Variants in JCHAIN observed in about 807,000 individuals in gnomAD.
The protein encoded by JCHAIN is immunoglobulin J chain.
In JCHAIN, 5 loss-of-function variants were observed where a neutral mutation model predicts 11.1. The ratio of observed to expected loss-of-function variants is 0.45; its 90% CI spans 0.24 to 0.95. The LOEUF (loss-of-function observed/expected upper bound fraction) is 0.95. Among genes scored for constraint, JCHAIN ranks in the 40% least tolerant of loss-of-function variants. The probability of loss-of-function intolerance (pLI) is 0.21; values close to 1 mark genes in which losing one functional copy is unlikely to be tolerated. For synonymous variants in JCHAIN, 51 were observed against 67.8 expected, an observed-to-expected ratio of 0.75 and a Z score of 1.22; for missense variants, 165 against 192.7, an observed-to-expected ratio of 0.86 and a Z score of 0.85.
intron 1 of JCHAIN, among the ~76,000 whole-genome samples, chr4:70,664,341 A>G (rs897593136): frequency 3.3e-5 from 5 of 152,188 alleles, no homozygotes; most frequent in African/African-American, 9.7e-5. Flanking sequence ...ACTAAAAAAA[A>G]AACATTTAGT....
intron 2 of JCHAIN, among the ~76,000 whole-genome samples, chr4:70,660,788 A>C (rs1167920965): frequency 6.6e-6 from 1 of 152,222 alleles, no homozygotes; most frequent in African/African-American, 2.4e-5. Flanking sequence ...TTTGTAATAT[A>C]TCCTAAGGTC....
intron 1 of JCHAIN, 76 bp from the exon 2 acceptor site, chr4:70,662,291 T>A: frequency 1.5e-6 from 2 of 1,331,456 alleles, no homozygotes; most frequent in Non-Finnish European, 2.1e-6. Flanking sequence ...TATTTTATCT[T>A]TCTTGCCTGC....
At chr4:70,657,400 A>C (rs906684446) in intron 2 of JCHAIN, 109 bp from the exon 3 acceptor site, 9 of 613,558 alleles carry the variant, frequency 1.5e-5, no homozygotes, top group Non-Finnish European at 2.6e-5. Context: ...TATTGTATTT[A>C]GTACTCTATA....
chr4:70,661,993 AG>A (rs981887894), intron 2 of JCHAIN, 98 bp downstream of exon 2: 10 of 1,143,404 alleles, frequency 8.7e-6, no homozygotes, highest in Non-Finnish European at 9.0e-6. Context: ...CACAGCAAAA[AG>A]GGGAGTAAAG....
chr4:70,666,116 G>A (rs1739147844), intron 1 of JCHAIN, among the ~76,000 whole-genome samples: 1 of 152,114 alleles, frequency 6.6e-6, no homozygotes, highest in African/African-American at 2.4e-5. Context: ...ATTAATTTAA[G>A]AGACTCAAGG....
chr4:70,657,912 A>T (rs372825699), intron 2 of JCHAIN, among the ~76,000 whole-genome samples: 5 of 152,176 alleles, frequency 3.3e-5, no homozygotes, highest in African/African-American at 1.2e-4. Flanking sequence ...GAACTTTTTC[A>T]TCGTGATGTC....
chr4:70,665,860 C>A, intron 1 of JCHAIN: 1 of 340,018 alleles, frequency 2.9e-6, no homozygotes, highest in Non-Finnish European at 6.0e-6. Context: ...AATACTGTAC[C>A]TCTAAATTCA....
chr4:70,659,174 T>C (rs1739008245), intron 2 of JCHAIN, among the ~76,000 whole-genome samples: 1 of 152,186 alleles, frequency 6.6e-6, no homozygotes, highest in South Asian at 2.1e-4. Flanking sequence ...ATTATCCCTT[T>C]TTTTAAAGTT....
chr4:70,662,034 G>A (rs1739065842), intron 2 of JCHAIN, 58 bp downstream of exon 2: 3 of 1,543,458 alleles, frequency 1.9e-6, no homozygotes, highest in African/African-American at 1.4e-5. Context: ...ACAATGCTCA[G>A]TGTCAGAAAG....
At chr4:70,666,367 A>G in intron 1 of JCHAIN, 60 bp downstream of exon 1, 1 of 1,246,540 alleles carries the variant, frequency 8.0e-7, no homozygotes, top group Non-Finnish European at 1.2e-6. Flanking sequence ...TTAAAACTGA[A>G]AAACAGATCT....
At chr4:70,658,085 C>T (rs1738984640) in intron 2 of JCHAIN, among the ~76,000 whole-genome samples, 1 of 152,084 alleles carries the variant, frequency 6.6e-6, no homozygotes, top group African/African-American at 2.4e-5. Flanking sequence ...ACCATCCAAG[C>T]CAAAAACCTG....
In JCHAIN at chr4:70,656,496, T is replaced by C; in HGVS notation, c.313A>G (p.Ile105Val). 1 of 1,613,780 alleles carries C rather than the reference T, an allele frequency of 6.2e-7. No homozygotes were observed. Among genetic ancestry groups the C allele is most frequent in the Non-Finnish European group, 8.5e-7 (1 of 1,179,890 alleles). ...DPTEVELDNQIVTATQSNICD... is the reference protein window; with the variant it reads ...DPTEVELDNQVVTATQSNICD... Reference sequence around the variant, plus strand: ...ATATTGCTCTGGGTAGCAGTAACTATCTGATTATCCAGCTCCACTTCTGTA... The same window carrying C: ...ATATTGCTCTGGGTAGCAGTAACTACCTGATTATCCAGCTCCACTTCTGTA... The change falls in exon 4 of 4, where the codon ATA becomes GTA. Residue 105 changes from isoleucine to valine, a missense_variant. Coordinates refer to ENST00000254801, the MANE Select transcript of JCHAIN (RefSeq NM_144646.4).
intron 1 of JCHAIN, among the ~76,000 whole-genome samples, chr4:70,664,804 T>C (rs899505764): frequency 6.6e-6 from 1 of 152,208 alleles, no homozygotes; most frequent in Non-Finnish European, 1.5e-5. Flanking sequence ...AAGTCTTAAA[T>C]AGAAAATGTC....
At chr4:70,660,296 G>A (rs1739029620) in intron 2 of JCHAIN, among the ~76,000 whole-genome samples, 1 of 151,994 alleles carries the variant, frequency 6.6e-6, no homozygotes, top group South Asian at 2.1e-4. Flanking sequence ...AGAGGGGTGG[G>A]ACAGAGTTCT....
intron 2 of JCHAIN, among the ~76,000 whole-genome samples, chr4:70,660,639 C>T (rs1739036704): frequency 6.6e-6 from 1 of 152,178 alleles, no homozygotes; most frequent in Non-Finnish European, 1.5e-5. Flanking sequence ...CCGCCTCGGC[C>T]TCCCAAAGTG....
intron 2 of JCHAIN, among the ~76,000 whole-genome samples, chr4:70,660,041 T>C (rs539069978): frequency 1.1e-4 from 16 of 152,256 alleles, no homozygotes; most frequent in African/African-American, 3.4e-4. Context: ...AATAAAAAGA[T>C]GAATTAGAAG....
At position 70,656,126 on chromosome 4, in the gene JCHAIN, A is replaced by T. The variant is rs1449714582; in HGVS notation, c.*203T>A. 2 of 558,816 alleles carry T rather than the reference A, an allele frequency of 3.6e-6. No individual in the cohort carries two copies. Among genetic ancestry groups the T allele is most frequent in the Non-Finnish European group, 3.2e-6 (1 of 314,992 alleles). The allele number at this position is 558,816 out of a possible 1,614,324, so 34.6% of individuals were successfully genotyped here. On this transcript the variant is annotated 3_prime_UTR_variant, in exon 4 of 4. Transcript: ENST00000254801. ...GAAGATTTTGATACTTAGAGTATGA[A>T]CATATAATTAAGAAGTGATTACCTA...
chr4:70,666,404 A>G, intron 1 of JCHAIN, 23 bp downstream of exon 1: 1 of 1,549,330 alleles, frequency 6.5e-7, no homozygotes, highest in Non-Finnish European at 8.9e-7. Flanking sequence ...TTGATCTGGG[A>G]TCATTTTCTA....
intron 2 of JCHAIN, among the ~76,000 whole-genome samples, chr4:70,659,986 T>C (rs1739024558): frequency 6.6e-6 from 1 of 152,160 alleles, no homozygotes; most frequent in South Asian, 2.1e-4. Flanking sequence ...ATCTGAATTA[T>C]CTGATTTCAG....
Sources: gnomAD v4.1 joint callset for allele counts (sites outside exome capture counted in the v4.1 genomes callset) on GRCh38, gnomAD v4.1.1 for gene constraint, MANE v1.5 for transcripts, NCBI Gene and HGNC (gene_info 2026-07-23, HGNC 2026-07-21) for gene names.